ATG4C: variants seen among roughly 807,000 people sequenced by gnomAD.
ATG4C encodes autophagy related 4C cysteine peptidase, also known as cysteine protease ATG4C.
ATG4C carries 56 observed loss-of-function variants against 57.6 expected under a neutral mutation model. The ratio of observed to expected loss-of-function variants is 0.97; its 90% CI spans 0.78 to 1.21. The LOEUF is 1.21. ATG4C is among the 50% of genes most tolerant of loss of function. The pLI is 0.00. For missense variants in ATG4C, 595 were observed against 529.8 expected, an observed-to-expected ratio of 1.12 and a Z score of -1.21; for synonymous variants, 157 against 174.1, an observed-to-expected ratio of 0.90 and a Z score of 0.78.
intron 10 of ATG4C, among the ~76,000 whole-genome samples, chr1:62,855,894 G>A (rs1666666663): frequency 6.6e-6 from 1 of 152,220 alleles, no homozygotes; most frequent in South Asian, 2.1e-4. Context: ...GTTCCAGACA[G>A]TTGAGTATCT....
chr1:62,837,505 G>A (rs1295412969), intron 9 of ATG4C, among the ~76,000 whole-genome samples: 1 of 152,124 alleles, frequency 6.6e-6, no homozygotes, highest in Admixed American at 6.5e-5. Context: ...AGTGAGAAGA[G>A]ACCTCAAATG....
chr1:62,847,448 T>C (rs969179483), intron 10 of ATG4C, among the ~76,000 whole-genome samples: 3 of 151,990 alleles, frequency 2.0e-5, no homozygotes, highest in African/African-American at 7.3e-5. Flanking sequence ...GAGAAGAAAA[T>C]ACAGTGTCAT....
chr1:62,838,921 G>T (rs1666083519), intron 9 of ATG4C, among the ~76,000 whole-genome samples: 1 of 152,032 alleles, frequency 6.6e-6, no homozygotes. Flanking sequence ...AAAGTTCTTT[G>T]TAGATATTAA....
chr1:62,811,487 A>G (rs71643654), intron 3 of ATG4C, among the ~76,000 whole-genome samples: 63 of 152,328 alleles, frequency 4.1e-4, no homozygotes, highest in Middle Eastern at 6.8e-3. Context: ...GAATACCGAA[A>G]GTAAAAAAAA....
chr1:62,828,856 A>T (rs1037017057), intron 6 of ATG4C, among the ~76,000 whole-genome samples, 184 bp from the exon 7 acceptor site: 2 of 152,138 alleles, frequency 1.3e-5, no homozygotes, highest in African/African-American at 4.8e-5. Flanking sequence ...GTCCAGCTTC[A>T]GTCTTCTGTG....
rs867955723 is a variant in ATG4C, at chr1:62,814,531, T to C, written c.161-2044T>C. Among the ~76,000 whole-genome samples the C allele has an allele frequency of 3.9e-5, 6 of 152,244 alleles. No individual in the cohort carries two copies. The South Asian group carries it at 8.3e-4, about 21-fold the overall frequency. On this transcript the variant is annotated intron_variant, in intron 3 of 10. Transcript: ENST00000317868. Reference sequence around the variant, plus strand: ...GATGGATGCAGCAAACCCCATGGCATGTGTATACCTATGTAACAAACCTGC... The same window carrying C: ...GATGGATGCAGCAAACCCCATGGCACGTGTATACCTATGTAACAAACCTGC...
At chr1:62,804,772 T>TG (rs775513983) in intron 2 of ATG4C, among the ~76,000 whole-genome samples, 3 of 152,140 alleles carry the variant, frequency 2.0e-5, no homozygotes, top group Non-Finnish European at 2.9e-5. Context: ...AAAATAAGTG[T>TG]GAAAACAGAA....
At chr1:62,840,861 A>T (rs1237861297) in intron 9 of ATG4C, among the ~76,000 whole-genome samples, 1 of 152,244 alleles carries the variant, frequency 6.6e-6, no homozygotes, top group Non-Finnish European at 1.5e-5. Flanking sequence ...CCCTGAGAAG[A>T]AACAAGAATT....
At position 62,784,287 on chromosome 1, in the gene ATG4C, T is replaced by G. The variant is rs1459789685; in HGVS notation, c.-69+14T>G. The stretch of plus-strand genomic sequence containing the variant: ...CCTTCTCTTTCGGTGAGGGATCGGC[T>G]TGAGGCTAAAGGAGTCAAGAAGTTT... On this transcript the variant is annotated intron_variant, in intron 1 of 10. Coordinates refer to ENST00000317868, the MANE Select transcript of ATG4C (RefSeq NM_032852.4). The G allele has an allele frequency of 1.3e-5, 2 of 152,468 alleles. No individual in the cohort carries two copies. The highest frequency in any genetic ancestry group is 4.8e-5 in the African/African-American group (2 of 41,448). 9.4% of individuals were successfully genotyped at this position (152,468 alleles called of 1,614,324 possible).
intron 1 of ATG4C, among the ~76,000 whole-genome samples, chr1:62,801,679 G>T (rs888033299): frequency 1.3e-5 from 2 of 148,868 alleles, no homozygotes; most frequent in African/African-American, 5.0e-5. Flanking sequence ...AAAAAAGAAG[G>T]CCGGCGCAGT....
intron 10 of ATG4C, among the ~76,000 whole-genome samples, chr1:62,848,574 A>G (rs1222502792): frequency 6.6e-6 from 1 of 152,236 alleles, no homozygotes; most frequent in Non-Finnish European, 1.5e-5. Flanking sequence ...AGTTGTAAAT[A>G]TAATGCAAAT....
chr1:62,787,246 T>A (rs1370400300), intron 1 of ATG4C, among the ~76,000 whole-genome samples: 1 of 152,132 alleles, frequency 6.6e-6, no homozygotes, highest in Non-Finnish European at 1.5e-5. Flanking sequence ...TAAAATAGGT[T>A]TTTTTGGTAT....
intron 4 of ATG4C, among the ~76,000 whole-genome samples, 177 bp from the exon 5 acceptor site, chr1:62,818,828 T>TCCCA (rs1222871838): frequency 1.2e-4 from 18 of 152,106 alleles, no homozygotes; most frequent in Non-Finnish European, 7.4e-5. Context: ...CAGCAGCCAC[T>TCCCA]CCCAGTACCT....
intron 10 of ATG4C, among the ~76,000 whole-genome samples, chr1:62,855,561 G>T (rs1255126903): frequency 6.6e-6 from 1 of 152,126 alleles, no homozygotes; most frequent in Non-Finnish European, 1.5e-5. Flanking sequence ...TTTACATGTG[G>T]CCAGTTGTCT....
chr1:62,795,834 TA>T (rs112840341), intron 1 of ATG4C, among the ~76,000 whole-genome samples: 3,258 of 139,184 alleles, frequency 0.023, 86 homozygotes, highest in African/African-American at 0.058. Flanking sequence ...CCTTTTTACT[TA>T]AAAAAAAAAA....
Position 62,841,415 on chromosome 1 carries a change from T to C in ATG4C, c.1090-13T>C. On this transcript the variant is annotated splice_polypyrimidine_tract_variant and intron_variant, in intron 9 of 10. Transcript: ENST00000317868. ...AAAGATAAATTAATCCTAAAGAACT[T>C]TAAAAATTACAGACATTCCACTGCC... The C allele has an allele frequency of 6.3e-7, 1 of 1,594,232 alleles. No individual in the cohort carries two copies. Among genetic ancestry groups the C allele is most frequent in the South Asian group, 1.1e-5 (1 of 87,076 alleles).
intron 10 of ATG4C, 123 bp from the exon 11 acceptor site, chr1:62,863,869 T>C (rs1283673362): frequency 1.5e-6 from 1 of 646,206 alleles, no homozygotes; most frequent in African/African-American, 1.9e-5. Context: ...GGAGTAGCAC[T>C]GGGTGAATGT....
chr1:62,805,164 T>G lies in ATG4C; in HGVS notation c.77-8T>G. On this transcript the variant is annotated splice_polypyrimidine_tract_variant and splice_region_variant and intron_variant, in intron 2 of 10. Coordinates refer to ENST00000317868, the MANE Select transcript of ATG4C (RefSeq NM_032852.4). Reference sequence around the variant, plus strand: ...AACGTTTTCTTTTCTTTTTTTTTTTTTTGCTAGGTTGGGTGTTGAAAACAA... The same window carrying G: ...AACGTTTTCTTTTCTTTTTTTTTTTGTTGCTAGGTTGGGTGTTGAAAACAA... 6.6e-7 allele frequency: 1 copy of G among 1,522,560 alleles called. No individual in the cohort carries two copies. Among genetic ancestry groups the G allele is most frequent in the Middle Eastern group, 1.7e-4 (1 of 5,718 alleles). 94.3% of individuals were successfully genotyped at this position (1,522,560 alleles called of 1,614,324 possible).
chr1:62,832,982 A>C (rs1665888192), intron 7 of ATG4C, among the ~76,000 whole-genome samples: 1 of 152,190 alleles, frequency 6.6e-6, no homozygotes, highest in Non-Finnish European at 1.5e-5. Context: ...TATGTAATGT[A>C]GACAGATGTT....
Sources: allele counts gnomAD v4.1 joint callset (sites outside exome capture counted in the v4.1 genomes callset), GRCh38; gene constraint gnomAD v4.1.1; transcripts MANE v1.5; gene names NCBI Gene and HGNC (gene_info 2026-07-23, HGNC 2026-07-21).